Variants in ESRP2 observed in about 807,000 individuals in gnomAD.
ESRP2 encodes epithelial splicing regulatory protein 2, also known as RNA binding motif protein 35A.
ESRP2 carries 48 observed loss-of-function variants against 78.6 expected under a neutral mutation model. The observed-to-expected ratio is 0.61, with a 90% CI of 0.48 to 0.78. ESRP2 has a LOEUF of 0.78. Ranked by LOEUF, ESRP2 falls within the 30% of genes least tolerant of loss-of-function variation. The pLI, the probability that ESRP2 is intolerant of heterozygous loss-of-function variation, is 0.00. For synonymous variants in ESRP2, 383 were observed against 406.7 expected (o/e 0.94, Z 0.70); for missense variants, 863 against 965.9 (o/e 0.89, Z 1.41).
In ESRP2 at chr16:68,235,608, A is replaced by G. The variant is rs749784005; in HGVS notation, c.327+26T>C. ...CCAGAAATGTCCTCACGTCCAGGCC[A>G]TGCCGCCACCCACCCCGGCGCTCAC... is the stretch of plus-strand genomic sequence containing the variant. On this transcript the variant is annotated intron_variant, in intron 2 of 14. Transcript: ENST00000473183. This position sits in a 1 kb window ranked among gnomAD's most constrained non-coding sequence, Gnocchi z 5.5. 1 of 1,596,178 alleles carries G rather than the reference A, an allele frequency of 6.3e-7. No homozygotes were observed.
rs1009068080 is a variant in ESRP2 at position 68,235,666 on chromosome 16, G to A, written c.295C>T (p.Arg99Trp). 5 of 1,597,840 alleles carry A rather than the reference G, an allele frequency of 3.1e-6. No homozygotes were observed. The highest frequency in any genetic ancestry group is 4.2e-6 in the Non-Finnish European group (5 of 1,178,566). ...ASGLSADSLA[R>W]AEPLDKVLQQ... ...AGCACCTTGTCCAGCGGCTCTGCCC[G>A]CGCCAGGCTGTCGGCGCTCAGGCCG... The change falls in exon 2 of 15, where the codon CGG becomes TGG. Residue 99 changes from arginine (R) to tryptophan (W), a missense_variant. Coordinates refer to ENST00000473183, the MANE Select transcript of ESRP2 (RefSeq NM_024939.3). The surrounding 1 kb of genome is among the most constrained non-coding windows in gnomAD (Gnocchi z 5.5).
rs560805509 is a variant in ESRP2, at chr16:68,230,137, C to G, written c.*89G>C. ...AGAGCTTTGACAAGCCAGAAAGAAG[C>G]TACCAGGTTGAGGGTGCTGGTCTTC... On this transcript the variant is annotated 3_prime_UTR_variant, in exon 15 of 15. Transcript: ENST00000473183. The G allele has an allele frequency of 7.5e-5, 94 of 1,252,536 alleles. No homozygotes were observed. In the African/African-American group the frequency reaches 1.3e-3, roughly 17 times the overall value. The allele number at this position is 1,252,536 out of a possible 1,614,324, so 77.6% of individuals were successfully genotyped here.
Position 68,235,720 on chromosome 16 carries a change from C to T in ESRP2, c.241G>A (p.Ala81Thr). Residue 81 changes from alanine (A) to threonine (T), a missense_variant, in exon 2 of 15, where the codon GCA becomes ACA. Ala to Thr is a moderately conservative substitution (Grantham distance 58, BLOSUM62 0). Transcript: ENST00000473183. The surrounding 1 kb of genome is among the most constrained non-coding windows in gnomAD (Gnocchi z 5.5). Reference sequence around the variant, plus strand: ...GCCTCGCGGCACTGCGTACTCAGTGCGGCCGCCTCGGCACGAACCAGCGAT... The same window carrying T: ...GCCTCGCGGCACTGCGTACTCAGTGTGGCCGCCTCGGCACGAACCAGCGAT... ...HKSLVRAEAA[A>T]LSTQCREASG... 6.2e-7 allele frequency: 1 copy of T among 1,604,868 alleles called. No individual in the cohort carries two copies. Among genetic ancestry groups the T allele is most frequent in the Non-Finnish European group, 8.5e-7 (1 of 1,178,824 alleles).
In ESRP2 at chr16:68,232,090, C is replaced by T; in HGVS notation, c.1011G>A (p.Glu337=). The T allele has an allele frequency of 2.5e-6, 4 of 1,612,982 alleles. No homozygotes were observed. The highest frequency in any genetic ancestry group is 3.4e-6 in the Non-Finnish European group (4 of 1,179,310). The change falls in exon 10 of 15, where the codon GAG becomes GAA. Residue 337 remains glutamate, a synonymous_variant. Transcript: ENST00000473183. This position sits in a 1 kb window ranked among gnomAD's most constrained non-coding sequence, Gnocchi z 5.2. ...FVKIAGGTSL[E]VARFLSREDQ... Reference sequence around the variant, plus strand: ...CTTCCCGTGACAAGAAACGAGCCACCTCTAGTGATGTGCCTGTGTATGAGA... The same window carrying T: ...CTTCCCGTGACAAGAAACGAGCCACTTCTAGTGATGTGCCTGTGTATGAGA...
chr16:68,230,962 C>T lies in ESRP2; in HGVS notation c.1777G>A (p.Ala593Thr). The change falls in exon 13 of 15, where the codon GCT (alanine) becomes ACT (threonine). Residue 593 changes from alanine (A) to threonine (T), a missense_variant. Ala to Thr is a moderately conservative substitution (Grantham distance 58, BLOSUM62 0). Transcript: ENST00000473183. ...AGCAGTGCTGAAGAGGGGTATAGAG[C>T]TGCCGTCTCCGTGGGAATGAGCGTT... Reference protein sequence around the residue: ...TPTLIPTETAALYPSSALLPA... With the variant: ...TPTLIPTETATLYPSSALLPA... The T allele has an allele frequency of 6.2e-7, 1 of 1,609,378 alleles. No individual in the cohort carries two copies. Among genetic ancestry groups the T allele is most frequent in the East Asian group, 2.2e-5 (1 of 44,858 alleles).
chr16:68,233,196 C>CAAAAAA (rs377116348), intron 5 of ESRP2, 131 bp downstream of exon 5: 3 of 524,114 alleles, frequency 5.7e-6, no homozygotes, highest in South Asian at 2.2e-5. Context: ...GAGACTGTCT[C>CAAAAAA]AAAAAAAAAA....
At chr16:68,234,303 T>C in intron 2 of ESRP2, 196 bp from the exon 3 acceptor site, 1 of 580,524 alleles carries the variant, frequency 1.7e-6, no homozygotes, top group Non-Finnish European at 3.1e-6. Flanking sequence ...CCTGTTCCAG[T>C]CCACTGTCAC....
In ESRP2 at chr16:68,236,105, C is replaced by G; in HGVS notation, c.-60G>C. 7.4e-7 allele frequency: 1 copy of G among 1,356,808 alleles called. No homozygotes were observed. The highest frequency in any genetic ancestry group is 9.4e-7 in the Non-Finnish European group (1 of 1,062,962). 84.0% of individuals were successfully genotyped at this position (1,356,808 alleles called of 1,614,324 possible). ...CGGACCGACGAGGCGCACGCACGCACCGACCGACCGCAGACGCGGATCAGC... is the reference window on the plus strand; with the variant it reads ...CGGACCGACGAGGCGCACGCACGCAGCGACCGACCGCAGACGCGGATCAGC... On this transcript the variant is annotated 5_prime_UTR_variant, in exon 1 of 15. Coordinates refer to ENST00000473183, the MANE Select transcript of ESRP2 (RefSeq NM_024939.3). This position sits in a 1 kb window ranked among gnomAD's most constrained non-coding sequence, Gnocchi z 5.2.
At position 68,232,248 on chromosome 16, in the gene ESRP2, C is replaced by T. The variant is rs747861789; in HGVS notation, c.995G>A (p.Gly332Glu). 5 of 1,614,146 alleles carry T rather than the reference C, an allele frequency of 3.1e-6. No individual in the cohort carries two copies. The Admixed American group carries it at 6.7e-5, about 22-fold the overall frequency. ...ATGEEFVKIA[G>E]GTSLEVARFL... Reference sequence around the variant, plus strand: ...GGCCCTGTTTGCAGTATACTCACCCCCTGCAATCTTTACAAACTCCTCCCC... The same window carrying T: ...GGCCCTGTTTGCAGTATACTCACCCTCTGCAATCTTTACAAACTCCTCCCC... Residue 332 changes from glycine to glutamate, a missense_variant and splice_region_variant, in exon 9 of 15, where the codon GGG becomes GAG. Coordinates refer to ENST00000473183, the MANE Select transcript of ESRP2 (RefSeq NM_024939.3). The surrounding 1 kb of genome is among the most constrained non-coding windows in gnomAD (Gnocchi z 5.2).
chr16:68,231,255 G>A lies in ESRP2; in HGVS notation c.1634C>T (p.Thr545Ile). The A allele has an allele frequency of 6.2e-7, 1 of 1,614,074 alleles. No homozygotes were observed. The highest frequency in any genetic ancestry group is 8.5e-7 in the Non-Finnish European group (1 of 1,179,998). ...ERYVEVVPCSTEEMSRVLMGG... is the reference protein window; with the variant it reads ...ERYVEVVPCSIEEMSRVLMGG... ...CATCAGCACTCGGCTCATCTCCTCTGTGGAACAGGGGACCACCTCCACGTA... is the reference window on the plus strand; with the variant it reads ...CATCAGCACTCGGCTCATCTCCTCTATGGAACAGGGGACCACCTCCACGTA... The change falls in exon 12 of 15, where the codon ACA becomes ATA. Residue 545 changes from threonine to isoleucine, a missense_variant. By Grantham distance (89) the Thr-to-Ile change is moderately conservative. Transcript: ENST00000473183. The surrounding 1 kb of genome is among the most constrained non-coding windows in gnomAD (Gnocchi z 6.0).
At chr16:68,230,664 A>T (rs1227818382) in intron 13 of ESRP2, 110 bp from the exon 14 acceptor site, 6 of 1,436,170 alleles carry the variant, frequency 4.2e-6, no homozygotes, top group Non-Finnish European at 5.6e-6. Context: ...TTCCTCCCTG[A>T]AGCCCCAGCC....
chr16:68,232,202 G>T lies in ESRP2; in HGVS notation c.997+44C>A. The stretch of plus-strand genomic sequence containing the variant: ...CAAGGGGTGGTGGGGAAGTGAAATG[G>T]ATCAAGAACCAGGGGAGCCAGGCCC... On this transcript the variant is annotated intron_variant, in intron 9 of 14. Transcript: ENST00000473183. The surrounding 1 kb of genome is among the most constrained non-coding windows in gnomAD (Gnocchi z 5.2). 6.2e-7 allele frequency: 1 copy of T among 1,613,988 alleles called. No homozygotes were observed. The highest frequency in any genetic ancestry group is 1.1e-5 in the South Asian group (1 of 91,070).
At position 68,235,390 on chromosome 16, in the gene ESRP2, C is replaced by T. The variant is rs2042210074; in HGVS notation, c.327+244G>A. The T allele has an allele frequency of 2.0e-6, 2 of 985,368 alleles. No homozygotes were observed. The highest frequency in any genetic ancestry group is 4.7e-5 in the South Asian group (1 of 21,296). The allele number at this position is 985,368 out of a possible 1,614,324, so 61.0% of individuals were successfully genotyped here. ...TGGGGATGGATCCCAAAGCCTGCGT[C>T]CCGATCCCTTCGGTAGGAGTAGGTT... On this transcript the variant is annotated intron_variant, in intron 2 of 14. Coordinates refer to ENST00000473183, the MANE Select transcript of ESRP2 (RefSeq NM_024939.3). This position sits in a 1 kb window ranked among gnomAD's most constrained non-coding sequence, Gnocchi z 5.5.
rs919249581 is a variant in ESRP2, at chr16:68,233,664, C to T, written c.556+104G>A. 24 of 861,366 alleles carry T rather than the reference C, an allele frequency of 2.8e-5. No homozygotes were observed. The East Asian group carries it at 3.1e-4, about 11-fold the overall frequency. The allele number at this position is 861,366 out of a possible 1,614,324, so 53.4% of individuals were successfully genotyped here. Reference sequence around the variant, plus strand: ...GTACACTCAGGGACTTAGCAGATAACGCAGTCTTGTATGTGTCCATATTAC... The same window carrying T: ...GTACACTCAGGGACTTAGCAGATAATGCAGTCTTGTATGTGTCCATATTAC... On this transcript the variant is annotated intron_variant, in intron 4 of 14. Transcript: ENST00000473183.
At position 68,232,774 on chromosome 16, in the gene ESRP2, C is replaced by T. The variant is rs149148189; in HGVS notation, c.697G>A (p.Glu233Lys). 3.8e-5 allele frequency: 62 copies of T among 1,614,128 alleles called. 1 individual carries two copies. The highest frequency in any genetic ancestry group is 1.6e-4 in the Middle Eastern group (1 of 6,084). ...TCCCACACTCACCAAGGCCCCGTCT[C>T]GTATTTCTGCTTTATCACCTCGGGC... ...SKPEVIKQKY[E>K]TGPCSKADVV... The change falls in exon 6 of 15, where the codon GAG (glutamate) becomes AAG (lysine). Residue 233 changes from glutamate (E) to lysine (K), a missense_variant. Physicochemically the swap from Glu to Lys is moderately conservative, Grantham distance 56. Transcript: ENST00000473183. The surrounding 1 kb of genome is among the most constrained non-coding windows in gnomAD (Gnocchi z 5.2).
chr16:68,231,032 A>C lies in ESRP2; in HGVS notation c.1712-5T>G. 6.3e-7 allele frequency: 1 copy of C among 1,588,304 alleles called. No individual in the cohort carries two copies. The highest frequency in any genetic ancestry group is 1.2e-5 in the South Asian group (1 of 86,200). Reference sequence around the variant, plus strand: ...TGTAGGTAGGTGGTGAGAGGCCTAGAGACGGAAGTAGAAAGTGCATGTGCA... The same window carrying C: ...TGTAGGTAGGTGGTGAGAGGCCTAGCGACGGAAGTAGAAAGTGCATGTGCA... On this transcript the variant is annotated splice_polypyrimidine_tract_variant and splice_region_variant and intron_variant, in intron 12 of 14. Coordinates refer to ENST00000473183, the MANE Select transcript of ESRP2 (RefSeq NM_024939.3). The surrounding 1 kb of genome is among the most constrained non-coding windows in gnomAD (Gnocchi z 6.0).
At chr16:68,230,745 C>T in intron 13 of ESRP2, 96 bp downstream of exon 13, 1 of 1,537,336 alleles carries the variant, frequency 6.5e-7, no homozygotes, top group South Asian at 1.2e-5. Flanking sequence ...CTTGTCATCT[C>T]AAGGGAGGAG....
Position 68,231,330 on chromosome 16 carries a change from C to T in ESRP2, c.1559G>A (p.Arg520Gln), listed in dbSNP as rs201090992. The T allele has an allele frequency of 3.7e-6, 6 of 1,614,154 alleles. No homozygotes were observed. The African/African-American group carries it at 4.0e-5, about 11-fold the overall frequency. ...GCAACGCTGAGCAGCAGCTAGGGCT[C>T]GCTCTGCTGATGTCATCTGAATGAA... ...DAFIQMTSAE[R>Q]ALAAAQRCHK... is the part of the protein sequence containing the mutation. Residue 520 changes from arginine (R) to glutamine (Q), a missense_variant, in exon 12 of 15, where the codon CGA becomes CAA. Transcript: ENST00000473183. The surrounding 1 kb of genome is among the most constrained non-coding windows in gnomAD (Gnocchi z 6.0).
Position 68,232,459 on chromosome 16 carries a change from C to G in ESRP2, c.866G>C (p.Gly289Ala). 6.2e-7 allele frequency: 1 copy of G among 1,614,066 alleles called. No individual in the cohort carries two copies. Among genetic ancestry groups the G allele is most frequent in the Non-Finnish European group, 8.5e-7 (1 of 1,180,008 alleles). The change falls in exon 8 of 15, where the codon GGC becomes GCC. Residue 289 changes from glycine to alanine, a missense_variant. Transcript: ENST00000473183. This position sits in a 1 kb window ranked among gnomAD's most constrained non-coding sequence, Gnocchi z 5.2. ...LCLNAQGRRN[G>A]EALIRFVDSE... Reference sequence around the variant, plus strand: ...GTCCACAAAGCGGATGAGGGCCTCGCCATTTCTGCGGCCCTGGGCGTTGAG... The same window carrying G: ...GTCCACAAAGCGGATGAGGGCCTCGGCATTTCTGCGGCCCTGGGCGTTGAG...
Sources: allele counts gnomAD v4.1 joint callset, GRCh38; gene constraint gnomAD v4.1.1; non-coding constraint Gnocchi (gnomAD v3.1); transcripts MANE v1.5; gene names NCBI Gene and HGNC (gene_info 2026-07-23, HGNC 2026-07-21).